CFAP70: variants seen among roughly 807,000 people sequenced by gnomAD.
The protein encoded by CFAP70 is cilia- and flagella-associated protein 70.
A neutral mutation model predicts 137.6 loss-of-function variants in CFAP70; 81 were observed. The ratio of observed to expected loss-of-function variants is 0.59; its 90% CI spans 0.49 to 0.71. The LOEUF is 0.71. Among genes scored for constraint, CFAP70 ranks in the 30% least tolerant of loss-of-function variants. The pLI is 0.00. For synonymous variants in CFAP70, 382 were observed against 423.6 expected (o/e 0.90, Z 1.20); for missense variants, 976 against 1,226.7 (o/e 0.80, Z 3.05).
chr10:73,335,230 C>T (rs2052532472), intron 7 of CFAP70, among the ~76,000 whole-genome samples, 200 bp downstream of exon 8: 1 of 151,990 alleles, frequency 6.6e-6, no homozygotes, highest in African/African-American at 2.4e-5. Flanking sequence ...AAGCATTCAC[C>T]TTGGTTAAAC....
exon 10 of CFAP70, chr10:73,312,536 A>G (rs2050000922): frequency 1.2e-6 from 2 of 1,613,020 alleles, no homozygotes; most frequent in South Asian, 2.2e-5. Context: ...CTTCTTTCAG[A>G]TTCTTAGAAA....
intron 4 of CFAP70, chr10:73,348,157 T>C (rs1269656780): frequency 3.7e-6 from 6 of 1,613,794 alleles, no homozygotes; most frequent in Non-Finnish European, 5.1e-6. Flanking sequence ...TCTGATTACC[T>C]TAGCACTTGA....
chr10:73,281,964 G>A (rs968276381), intron 19 of CFAP70, among the ~76,000 whole-genome samples: 1 of 152,218 alleles, frequency 6.6e-6, no homozygotes, highest in Non-Finnish European at 1.5e-5. Context: ...ACATACCGAC[G>A]TGATTCTAGT....
chr10:73,305,819 GA>G (rs1237710655), intron 12 of CFAP70, among the ~76,000 whole-genome samples: 3 of 151,680 alleles, frequency 2.0e-5, no homozygotes, highest in Non-Finnish European at 4.4e-5. Flanking sequence ...CTCTTTCAAA[GA>G]AAAAAATATA....
chr10:73,271,850 C>A (rs530378285), intron 24 of CFAP70, among the ~76,000 whole-genome samples: 1 of 152,112 alleles, frequency 6.6e-6, no homozygotes, highest in Non-Finnish European at 1.5e-5. Flanking sequence ...CAGGCACATG[C>A]CACCATGCCT....
intron 7 of CFAP70, among the ~76,000 whole-genome samples, chr10:73,331,701 A>G (rs949641969): frequency 6.6e-6 from 1 of 152,092 alleles, no homozygotes; most frequent in African/African-American, 2.4e-5. Flanking sequence ...TTTTTTTCTT[A>G]CTGGGTTGGT....
rs191878894 is a variant in CFAP70, at chr10:73,343,299, A to C, written c.400-1718T>G. On this transcript the variant is annotated intron_variant, in intron 5 of 26. Transcript: ENST00000310715. ...AACTCAGTACCCAAGGGATAAGCTC[A>C]TGAGCTGATGCTGCGCCAACCCAGG... Among the ~76,000 whole-genome samples, 396 of 152,206 alleles carry C rather than the reference A, an allele frequency of 2.6e-3. 2 individuals are homozygous for C. The highest frequency in any genetic ancestry group is 9.1e-3 in the African/African-American group (376 of 41,532).
chr10:73,256,902 CAA>C (rs55805225), intron 25 of CFAP70, among the ~76,000 whole-genome samples: 10 of 58,312 alleles, frequency 1.7e-4, no homozygotes, highest in Admixed American at 3.8e-4. Flanking sequence ...GACTCCATCT[CAA>C]AAAAAAAAAA....
At chr10:73,255,364 C>A (rs2044380741) in intron 26 of CFAP70, among the ~76,000 whole-genome samples, 1 of 152,000 alleles carries the variant, frequency 6.6e-6, no homozygotes, top group African/African-American at 2.4e-5. Flanking sequence ...CACTGCACTC[C>A]AGCCTGGGAG....
chr10:73,298,530 G>A (rs1363534772), intron 14 of CFAP70, among the ~76,000 whole-genome samples: 2 of 151,922 alleles, frequency 1.3e-5, no homozygotes, highest in Non-Finnish European at 2.9e-5. Flanking sequence ...TAACTGTTTC[G>A]TCTTCAATTT....
chr10:73,312,835 T>C (rs1278054630), intron 9 of CFAP70, among the ~76,000 whole-genome samples, 192 bp from the exon 11 acceptor site: 1 of 152,234 alleles, frequency 6.6e-6, no homozygotes, highest in African/African-American at 2.4e-5. Flanking sequence ...AGAAAGTTAG[T>C]TGCCTACTCT....
chr10:73,338,772 T>G (rs1200523454), intron 6 of CFAP70, among the ~76,000 whole-genome samples: 6 of 152,006 alleles, frequency 3.9e-5, no homozygotes, highest in Non-Finnish European at 5.9e-5. Flanking sequence ...AAATACAGTA[T>G]TTGTGGGATG....
chr10:73,283,387 A>C (rs137973969), intron 19 of CFAP70, among the ~76,000 whole-genome samples: 1 of 152,216 alleles, frequency 6.6e-6, no homozygotes, highest in African/African-American at 2.4e-5. Context: ...TATTCTGTTA[A>C]TTCTCTGTCT....
At chr10:73,261,972 ATATATATGTATACATATG>A (rs567709008) in intron 25 of CFAP70, among the ~76,000 whole-genome samples, 6,392 of 147,264 alleles carry the variant, frequency 0.043, 206 homozygotes, top group Non-Finnish European at 0.071. Context: ...TATACATATT[ATATATATGTATACATATG>A]TATATATGTA....
At position 73,354,490 on chromosome 10, in the gene CFAP70, T is replaced by G. The variant is rs536534282; in HGVS notation, c.63+244A>C. On this transcript the variant is annotated intron_variant, in intron 2 of 26. Coordinates refer to ENST00000310715, the Ensembl canonical transcript of CFAP70. ...GGGAAAAAAATTATACGTGAACTGC[T>G]GTCTAGGGAAACTAAAACCACTGTT... Among the ~76,000 whole-genome samples, 8 of 152,364 alleles carry G rather than the reference T, an allele frequency of 5.3e-5. No homozygotes were observed. In the South Asian group the frequency reaches 1.7e-3, roughly 32 times the overall value.
At chr10:73,360,353 C>G (rs1191728937), upstream of CFAP70, among the ~76,000 whole-genome samples, 2 of 152,236 alleles carry the variant, frequency 1.3e-5, no homozygotes, top group African/African-American at 4.8e-5. Context: ...TGTACACACA[C>G]ATATGCACAT....
chr10:73,361,927 A>G (rs1284706856), upstream of CFAP70, among the ~76,000 whole-genome samples: 1 of 152,188 alleles, frequency 6.6e-6, no homozygotes, highest in African/African-American at 2.4e-5. Flanking sequence ...CAGAGTAGCC[A>G]AAACAATCCT....
chr10:73,348,217 G>T, intron 4 of CFAP70: 1 of 1,614,190 alleles, frequency 6.2e-7, no homozygotes, highest in Non-Finnish European at 8.5e-7. Flanking sequence ...TGGAACTGTT[G>T]TTTGAAATGA....
At chr10:73,286,268 C>G (rs1355498792) in intron 19 of CFAP70, among the ~76,000 whole-genome samples, 5 of 152,026 alleles carry the variant, frequency 3.3e-5, no homozygotes, top group African/African-American at 1.2e-4. Context: ...CATGGTGAAA[C>G]CCCGTCTCTA....
Sources: gnomAD v4.1 joint callset for allele counts (sites outside exome capture counted in the v4.1 genomes callset) on GRCh38, gnomAD v4.1.1 for gene constraint, MANE v1.5 for transcripts, NCBI Gene and HGNC (gene_info 2026-07-23, HGNC 2026-07-21) for gene names.